Variants in SYN2 observed in about 807,000 individuals in gnomAD.
SYN2 encodes synapsin II, also known as synapsin-2.
In SYN2, 19 loss-of-function variants were observed where a neutral mutation model predicts 50.9. The observed-to-expected ratio is 0.37, with a 90% confidence interval of 0.26 to 0.55. SYN2 has a LOEUF of 0.55. Ranked by LOEUF, SYN2 falls within the 20% of genes least tolerant of loss-of-function variation. The probability of loss-of-function intolerance (pLI) is 0.81; values close to 1 mark genes in which losing one functional copy is unlikely to be tolerated. For missense variants in SYN2, 587 were observed against 576.4 expected, an observed-to-expected ratio of 1.02 and a Z score of -0.19; for synonymous variants, 255 against 224.9, an observed-to-expected ratio of 1.13 and a Z score of -1.20.
At chr3:12,153,776 T>C in intron 5 of SYN2, 1 of 1,569,122 alleles carries the variant, frequency 6.4e-7, no homozygotes, top group Non-Finnish European at 8.8e-7. Context: ...TTGCTGCCTT[T>C]CAGATTCCTA....
chr3:12,124,266 A>G (rs1696619405), intron 1 of SYN2, among the ~76,000 whole-genome samples: 1 of 152,192 alleles, frequency 6.6e-6, no homozygotes, highest in Non-Finnish European at 1.5e-5. Flanking sequence ...AGGTGAAATT[A>G]AAACATTGCC....
chr3:12,128,033 C>A (rs1187057928), intron 1 of SYN2, among the ~76,000 whole-genome samples: 1 of 151,150 alleles, frequency 6.6e-6, no homozygotes, highest in Non-Finnish European at 1.5e-5. Context: ...GCAGCCTCAA[C>A]ATCCCAGGCT....
chr3:12,034,713 C>T (rs1280496259), intron 1 of SYN2, among the ~76,000 whole-genome samples: 1 of 152,140 alleles, frequency 6.6e-6, no homozygotes, highest in Non-Finnish European at 1.5e-5. Flanking sequence ...AGGATAACAG[C>T]ATTTGTCCAT....
intron 12 of SYN2, among the ~76,000 whole-genome samples, chr3:12,188,466 T>C (rs1427663220): frequency 1.3e-5 from 2 of 152,186 alleles, no homozygotes; most frequent in East Asian, 1.9e-4. Context: ...ATGGTAGTGA[T>C]ACACCCCTGC....
chr3:12,076,760 G>T (rs1048760658), intron 1 of SYN2, among the ~76,000 whole-genome samples: 14 of 152,086 alleles, frequency 9.2e-5, no homozygotes, highest in African/African-American at 3.4e-4. Flanking sequence ...ATAGAACTGT[G>T]TTTTGAACAC....
intron 1 of SYN2, among the ~76,000 whole-genome samples, chr3:12,083,991 C>T (rs1695636100): frequency 6.6e-6 from 1 of 152,138 alleles, no homozygotes; most frequent in Non-Finnish European, 1.5e-5. Context: ...TCCCCTTGTT[C>T]AGACATGTCT....
intron 1 of SYN2, among the ~76,000 whole-genome samples, chr3:12,046,773 T>C (rs2125152385): frequency 1.3e-5 from 2 of 152,222 alleles, no homozygotes; most frequent in South Asian, 4.2e-4. Flanking sequence ...GACTTGATGA[T>C]TGATTAGATA....
intron 1 of SYN2, among the ~76,000 whole-genome samples, chr3:12,035,151 A>G (rs145358294): frequency 1.8e-3 from 270 of 152,320 alleles, no homozygotes; most frequent in African/African-American, 6.0e-3. Flanking sequence ...AACATCATGA[A>G]TAACGTTAAA....
intron 11 of SYN2, chr3:12,185,748 G>A (rs1480604169): frequency 1.5e-5 from 15 of 985,714 alleles, no homozygotes; most frequent in South Asian, 4.7e-5. Flanking sequence ...AAGTTGTAAC[G>A]TTTCTGGCTA....
Position 12,103,007 on chromosome 3 carries a change from G to A in SYN2, c.378-37644G>A, listed in dbSNP as rs74834198. Among the ~76,000 whole-genome samples the A allele has an allele frequency of 4.8e-3, 725 of 152,230 alleles. 4 individuals are homozygous for A. The highest frequency in any genetic ancestry group is 0.017 in the African/African-American group (688 of 41,544). On this transcript the variant is annotated intron_variant, in intron 1 of 12. Coordinates refer to ENST00000621198, the MANE Select transcript of SYN2 (RefSeq NM_133625.6). ...AACACTTATTTAGAATTTACAGTGT[G>A]CCAGATACAGTTCTACAAGCTTTAC...
intron 1 of SYN2, among the ~76,000 whole-genome samples, chr3:12,124,771 A>G (rs1696629485): frequency 6.6e-6 from 1 of 152,210 alleles, no homozygotes; most frequent in Non-Finnish European, 1.5e-5. Context: ...ATATATACAC[A>G]TGTAGTAAAA....
At chr3:12,020,777 G>A (rs1475520064) in intron 1 of SYN2, among the ~76,000 whole-genome samples, 1 of 152,138 alleles carries the variant, frequency 6.6e-6, no homozygotes, top group Non-Finnish European at 1.5e-5. Context: ...GAATTATTCA[G>A]TAGGAATTGG....
intron 1 of SYN2, among the ~76,000 whole-genome samples, chr3:12,014,067 C>G (rs866949321): frequency 6.6e-6 from 1 of 152,124 alleles, no homozygotes. Flanking sequence ...GTCTATGCCC[C>G]CTCCATGCCC....
chr3:12,152,369 G>T (rs908581609), intron 5 of SYN2, among the ~76,000 whole-genome samples: 1 of 152,184 alleles, frequency 6.6e-6, no homozygotes, highest in Non-Finnish European at 1.5e-5. Context: ...TTCAGGGCAA[G>T]CCAGGAAGCC....
chr3:12,157,461 C>G (rs1300199000), intron 5 of SYN2: 1 of 1,614,058 alleles, frequency 6.2e-7, no homozygotes, highest in African/African-American at 1.3e-5. Context: ...TACCTTCTCA[C>G]TGGAGATTTT....
At chr3:12,048,391 C>T (rs1396202969) in intron 1 of SYN2, among the ~76,000 whole-genome samples, 1 of 152,206 alleles carries the variant, frequency 6.6e-6, no homozygotes, top group Non-Finnish European at 1.5e-5. Context: ...TGGTCTTGAA[C>T]TCGTGAGCTC....
chr3:12,084,907 A>G (rs1695658666), intron 1 of SYN2, among the ~76,000 whole-genome samples: 1 of 152,166 alleles, frequency 6.6e-6, no homozygotes, highest in Non-Finnish European at 1.5e-5. Flanking sequence ...ATAAAAAGAA[A>G]GGATTCAAAG....
intron 1 of SYN2, among the ~76,000 whole-genome samples, chr3:12,060,629 C>CT (rs1695093844): frequency 6.6e-6 from 1 of 152,150 alleles, no homozygotes; most frequent in Non-Finnish European, 1.5e-5. Context: ...CACACAGACT[C>CT]TATCTGAGGG....
chr3:12,024,305 T>G (rs1192427781), intron 1 of SYN2, among the ~76,000 whole-genome samples: 1 of 152,028 alleles, frequency 6.6e-6, no homozygotes, highest in African/African-American at 2.4e-5. Flanking sequence ...TACAGGTGCA[T>G]GCCAACACGC....
Sources: gnomAD v4.1 joint callset for allele counts (sites outside exome capture counted in the v4.1 genomes callset) on GRCh38, gnomAD v4.1.1 for gene constraint, MANE v1.5 for transcripts, NCBI Gene and HGNC (gene_info 2026-07-23, HGNC 2026-07-21) for gene names.